FRMPD3: variants seen among roughly 807,000 people sequenced by gnomAD.
FRMPD3 encodes FERM and PDZ domain containing 3, also known as FERM and PDZ domain-containing protein 3.
A neutral mutation model predicts 97.9 loss-of-function variants in FRMPD3; 42 were observed. That is an observed-to-expected ratio of 0.43 (90% CI 0.34 to 0.55). The LOEUF is 0.55. FRMPD3 is among the 20% of genes least tolerant of loss of function. FRMPD3 has a pLI of 0.03. For synonymous variants in FRMPD3, 577 were observed against 581.1 expected (o/e 0.99, Z 0.10); for missense variants, 1,303 against 1,457.7 (o/e 0.89, Z 1.73).
intron 8 of FRMPD3, among the ~76,000 whole-genome samples, chrX:107,558,688 T>C (rs2147593789): frequency 9.0e-6 from 1 of 111,667 alleles, no homozygotes; most frequent in South Asian, 3.8e-4. Flanking sequence ...AGCATTTTTA[T>C]TTTAGTTTAG....
At chrX:107,516,699 C>T (rs1269588704) in intron 1 of FRMPD3, among the ~76,000 whole-genome samples, 1 of 110,559 alleles carries the variant, frequency 9.0e-6, no homozygotes, top group Non-Finnish European at 1.9e-5. Flanking sequence ...TGTTCATATC[C>T]TTCGCCCACT....
intron 1 of FRMPD3, among the ~76,000 whole-genome samples, chrX:107,508,693 A>G (rs918563564): frequency 9.0e-6 from 1 of 111,434 alleles, no homozygotes; most frequent in Admixed American, 9.5e-5. Context: ...CCAGAGCTCT[A>G]CACTATGCTC....
chrX:107,569,294 CAAAAAA>C (rs752263727), intron 12 of FRMPD3, among the ~76,000 whole-genome samples: 4 of 21,257 alleles, frequency 1.9e-4, no homozygotes, highest in African/African-American at 2.5e-4. Flanking sequence ...GACTCCATCT[CAAAAAA>C]AAAAAAAAAA....
At chrX:107,497,669 G>T (rs1156707698) in intron 1 of FRMPD3, among the ~76,000 whole-genome samples, 1 of 112,239 alleles carries the variant, frequency 8.9e-6, no homozygotes, top group Non-Finnish European at 1.9e-5. Context: ...GTTTGCATAG[G>T]CTTATTAGGT....
At chrX:107,534,706 GACAC>G (rs987748919) in intron 4 of FRMPD3, among the ~76,000 whole-genome samples, 1 of 110,110 alleles carries the variant, frequency 9.1e-6, no homozygotes, top group South Asian at 3.9e-4. Context: ...CAAACACACT[GACAC>G]ACACACACAA....
At chrX:107,576,987 T>C (rs1337380388) in intron 13 of FRMPD3, among the ~76,000 whole-genome samples, 1 of 109,200 alleles carries the variant, frequency 9.2e-6, no homozygotes, top group Non-Finnish European at 1.9e-5. Context: ...TAGTTTGCTC[T>C]CCTCACATGC....
intron 13 of FRMPD3, among the ~76,000 whole-genome samples, chrX:107,587,239 A>G (rs1265080758): frequency 9.0e-6 from 1 of 111,341 alleles, no homozygotes; most frequent in Non-Finnish European, 1.9e-5. Flanking sequence ...TTGTTGTGTT[A>G]AAGTCTATTT....
chrX:107,588,524 G>C (rs1216675454), intron 13 of FRMPD3, among the ~76,000 whole-genome samples: 1 of 112,063 alleles, frequency 8.9e-6, no homozygotes, highest in Non-Finnish European at 1.9e-5. Context: ...AAAGTTCTGG[G>C]ATTACAGGCG....
intron 12 of FRMPD3, among the ~76,000 whole-genome samples, chrX:107,567,684 A>C (rs1381951942): frequency 8.9e-6 from 1 of 111,889 alleles, no homozygotes; most frequent in Non-Finnish European, 1.9e-5. Flanking sequence ...GGGCAGAACA[A>C]GTTGGTTAAA....
intron 2 of FRMPD3, among the ~76,000 whole-genome samples, chrX:107,528,359 C>T (rs1164151179): frequency 9.0e-6 from 1 of 111,226 alleles, no homozygotes; most frequent in Non-Finnish European, 1.9e-5. Flanking sequence ...GTTACCGGTA[C>T]CATCAAAGGG....
chrX:107,594,001 C>G (rs1321005513), intron 13 of FRMPD3, among the ~76,000 whole-genome samples: 1 of 111,909 alleles, frequency 8.9e-6, no homozygotes, highest in African/African-American at 3.3e-5. Flanking sequence ...ATTGCACACA[C>G]CCATGAGCAT....
intron 8 of FRMPD3, among the ~76,000 whole-genome samples, chrX:107,558,709 A>T (rs940512456): frequency 8.9e-6 from 1 of 111,898 alleles, no homozygotes; most frequent in African/African-American, 3.2e-5. Flanking sequence ...TTTGAGACAG[A>T]GTCTCGCTCT....
At chrX:107,484,569 G>T (rs1921455644) in intron 1 of FRMPD3, among the ~76,000 whole-genome samples, 2 of 112,469 alleles carry the variant, frequency 1.8e-5, no homozygotes, top group Non-Finnish European at 3.8e-5. Flanking sequence ...CTGACAAGCT[G>T]CGTCATCGCT....
chrX:107,540,852 T>C (rs1389520575), intron 4 of FRMPD3, among the ~76,000 whole-genome samples: 1 of 112,621 alleles, frequency 8.9e-6, no homozygotes, highest in Non-Finnish European at 1.9e-5. Flanking sequence ...GGTGTGAGCC[T>C]AGGCATCTGT....
intron 1 of FRMPD3, among the ~76,000 whole-genome samples, chrX:107,451,683 T>G (rs1931293999): frequency 8.9e-6 from 1 of 112,529 alleles, no homozygotes; most frequent in Non-Finnish European, 1.9e-5. Flanking sequence ...TCATGGCTTG[T>G]TTTTTTGTTT....
rs1171820532 is a variant in FRMPD3, at chrX:107,601,929, G to A, written c.3890G>A (p.Arg1297His). ...CCTGGCATGTCCCGTGAGCAGAGGC[G>A]CAGCTGTGACTGCAAGCGCATCTGC... ...QGPGMSREQR[R>H]SCDCKRICRG... is the part of the protein sequence containing the mutation. Residue 1297 changes from arginine (R) to histidine (H), a missense_variant, in exon 15 of 15, where the codon CGC becomes CAC. Transcript: ENST00000683843. The A allele has an allele frequency of 1.7e-6, 2 of 1,183,328 alleles. No homozygotes were observed. Among genetic ancestry groups the A allele is most frequent in the Non-Finnish European group, 1.1e-6 (1 of 882,764 alleles).
chrX:107,545,648 C>T (rs1921551606), intron 4 of FRMPD3, 89 bp from the exon 5 acceptor site: 7 of 670,247 alleles, frequency 1.0e-5, no homozygotes, highest in Non-Finnish European at 9.4e-6. Flanking sequence ...GCAAAGTGTA[C>T]CTGTACTGGG....
intron 4 of FRMPD3, among the ~76,000 whole-genome samples, chrX:107,542,965 C>T (rs1397888818): frequency 8.9e-6 from 1 of 111,833 alleles, no homozygotes; most frequent in African/African-American, 3.3e-5. Flanking sequence ...TTCTCACTCT[C>T]ATATCCAATC....
chrX:107,595,763 C>A (rs1306276341), intron 13 of FRMPD3, among the ~76,000 whole-genome samples: 4 of 109,212 alleles, frequency 3.7e-5, no homozygotes, highest in African/African-American at 1.3e-4. Flanking sequence ...ATGGTGAAAC[C>A]CCGCCTCTAC....
Sources: allele counts gnomAD v4.1 joint callset (sites outside exome capture counted in the v4.1 genomes callset), GRCh38; gene constraint gnomAD v4.1.1; transcripts MANE v1.5; gene names NCBI Gene and HGNC (gene_info 2026-07-23, HGNC 2026-07-21).